The following VPS13B variants were observed in gnomAD, a reference collection of about 807,000 sequenced individuals.
VPS13B encodes the protein vacuolar protein sorting 13 homolog B.
A neutral mutation model predicts 426.4 loss-of-function variants in VPS13B; 285 were observed. That is an observed-to-expected ratio of 0.67 (90% confidence interval 0.61 to 0.74). The LOEUF (loss-of-function observed/expected upper bound fraction) is 0.74, where lower values mean the gene tolerates loss of function less well. Among genes scored for constraint, VPS13B ranks in the 30% least tolerant of loss-of-function variants. The probability of loss-of-function intolerance (pLI) is 0.00; values close to 1 mark genes in which losing one functional copy is unlikely to be tolerated. For synonymous variants in VPS13B, 1,676 were observed against 1,676.4 expected (o/e 1.00, Z 0.01); for missense variants, 4,537 against 4,782.6 (o/e 0.95, Z 1.51).
intron 19 of VPS13B, among the ~76,000 whole-genome samples, chr8:99,369,358 A>T (rs1813054972): frequency 6.6e-6 from 1 of 152,224 alleles, no homozygotes; most frequent in Non-Finnish European, 1.5e-5. Flanking sequence ...TTAAATAGGC[A>T]AGTAAGACCA....
intron 34 of VPS13B, among the ~76,000 whole-genome samples, chr8:99,659,256 T>C (rs1830133956): frequency 6.6e-6 from 1 of 152,182 alleles, no homozygotes; most frequent in Admixed American, 6.5e-5. Context: ...TTGCTTTTAT[T>C]GTTTTGTTTA....
intron 36 of VPS13B, among the ~76,000 whole-genome samples, chr8:99,705,002 A>G (rs577840680): frequency 1.3e-5 from 2 of 152,244 alleles, no homozygotes; most frequent in Non-Finnish European, 2.9e-5. Flanking sequence ...TAAAATGTAG[A>G]GGGGAAGAAC....
intron 39 of VPS13B, among the ~76,000 whole-genome samples, chr8:99,744,022 A>G (rs1258143239): frequency 5.3e-5 from 8 of 152,200 alleles, no homozygotes; most frequent in Non-Finnish European, 7.4e-5. Flanking sequence ...AGAAACTACC[A>G]TCAGAGTGAA....
At chr8:99,286,815 T>C (rs1222835388) in intron 19 of VPS13B, among the ~76,000 whole-genome samples, 6 of 152,106 alleles carry the variant, frequency 3.9e-5, no homozygotes. Flanking sequence ...AGAAATAATT[T>C]TGTGAAGGTT....
chr8:99,581,602 C>A (rs1362078438), intron 33 of VPS13B, among the ~76,000 whole-genome samples: 2 of 152,064 alleles, frequency 1.3e-5, no homozygotes, highest in East Asian at 3.9e-4. Flanking sequence ...TTTAAATGAA[C>A]CTTATTTCTC....
At chr8:99,654,573 A>G (rs1223554412) in intron 34 of VPS13B, among the ~76,000 whole-genome samples, 1 of 152,196 alleles carries the variant, frequency 6.6e-6, no homozygotes, top group Non-Finnish European at 1.5e-5. Context: ...TGCCTTTTAC[A>G]TGTCCAGTGG....
At chr8:99,826,267 C>T (rs1448597208) in intron 51 of VPS13B, among the ~76,000 whole-genome samples, 1 of 152,154 alleles carries the variant, frequency 6.6e-6, no homozygotes, top group African/African-American at 2.4e-5. Flanking sequence ...ACATAGTTCT[C>T]CTTGAAGAGG....
chr8:99,501,148 T>C (rs1008045160), intron 25 of VPS13B, among the ~76,000 whole-genome samples: 2 of 152,246 alleles, frequency 1.3e-5, no homozygotes, highest in African/African-American at 4.8e-5. Flanking sequence ...AAACTGATAA[T>C]CACTTTGCTA....
At chr8:99,832,714 A>T in intron 52 of VPS13B, 62 bp downstream of exon 52, 1 of 1,556,694 alleles carries the variant, frequency 6.4e-7, no homozygotes, top group Admixed American at 1.7e-5. Flanking sequence ...GTTCATCTAG[A>T]TGCCAAGAGA....
At chr8:99,036,995 C>A (rs931263047) in intron 2 of VPS13B, among the ~76,000 whole-genome samples, 2 of 152,050 alleles carry the variant, frequency 1.3e-5, no homozygotes, top group African/African-American at 4.8e-5. Context: ...TCAGATTCTT[C>A]ATTGTAAAAT....
rs1817117474 is a variant in VPS13B, at chr8:99,431,617, G to A, written c.3163G>A (p.Glu1055Lys). The change falls in exon 22 of 62, where the codon GAA becomes AAA. Residue 1055 changes from glutamate to lysine, a missense_variant. By Grantham distance (56) the Glu-to-Lys change is moderately conservative. Transcript: ENST00000357162. ...TAGAAGTCCTGAAGAAAGAATGAAGGAATTTATTGGAATTGTTTGGAATGC... is the reference window on the plus strand; with the variant it reads ...TAGAAGTCCTGAAGAAAGAATGAAGAAATTTATTGGAATTGTTTGGAATGC... The part of the protein sequence containing the change: ...SCRSPEERMK[E>K]FIGIVWNAVK... 6.2e-7 allele frequency: 1 copy of A among 1,613,212 alleles called. No homozygotes were observed. Among genetic ancestry groups the A allele is most frequent in the African/African-American group, 1.3e-5 (1 of 74,870 alleles).
At chr8:99,383,167 G>A (rs1301480275) in intron 19 of VPS13B, among the ~76,000 whole-genome samples, 1 of 152,076 alleles carries the variant, frequency 6.6e-6, no homozygotes, top group Non-Finnish European at 1.5e-5. Flanking sequence ...ACAAAAATAG[G>A]TTAGTTAGTT....
At chr8:99,855,757 A>G (rs1816514807) in intron 56 of VPS13B, among the ~76,000 whole-genome samples, 1 of 152,132 alleles carries the variant, frequency 6.6e-6, no homozygotes, top group African/African-American at 2.4e-5. Flanking sequence ...GGTTATCTAG[A>G]CTCTTTTATA....
chr8:99,121,274 G>A lies in VPS13B; in HGVS notation c.1035G>A (p.Trp345Ter). 1 of 1,614,132 alleles carries A rather than the reference G, an allele frequency of 6.2e-7. No homozygotes were observed. Among genetic ancestry groups the A allele is most frequent in the Non-Finnish European group, 8.5e-7 (1 of 1,180,034 alleles). ...SQQDEEQPQG[W>*]VSWAWSFVPA... Reference sequence around the variant, plus strand: ...AAGATGAGGAGCAGCCACAGGGATGGGTGTCATGGGCCTGGTCCTTTGTGC... The same window carrying A: ...AAGATGAGGAGCAGCCACAGGGATGAGTGTCATGGGCCTGGTCCTTTGTGC... The change falls in exon 8 of 62, where the codon TGG (tryptophan) becomes TGA (stop). Residue 345 changes from tryptophan to a stop codon, truncating the protein, a stop_gained. Coordinates refer to ENST00000357162, the MANE Select transcript of VPS13B (RefSeq NM_152564.5). LOFTEE classifies it high-confidence loss of function.
Position 99,785,764 on chromosome 8 carries a change from A to G in VPS13B, c.7941+1288A>G, listed in dbSNP as rs556258494. On this transcript the variant is annotated intron_variant, in intron 43 of 61. Coordinates refer to ENST00000357162, the MANE Select transcript of VPS13B (RefSeq NM_152564.5). Reference sequence around the variant, plus strand: ...ATACTGACAAAACCAAACAAAAAACACCTATAATTCCAACCACCTAGAGAG... The same window carrying G: ...ATACTGACAAAACCAAACAAAAAACGCCTATAATTCCAACCACCTAGAGAG... Among the ~76,000 whole-genome samples the G allele has an allele frequency of 2.0e-5, 3 of 152,254 alleles. No individual in the cohort carries two copies. In the East Asian group the frequency reaches 5.8e-4, roughly 29 times the overall value.
At chr8:99,832,803 T>C in intron 52 of VPS13B, 151 bp downstream of exon 52, 1 of 812,414 alleles carries the variant, frequency 1.2e-6, no homozygotes, top group Non-Finnish European at 1.9e-6. Flanking sequence ...ATACAGTGGG[T>C]CAAGTGTTAT....
intron 3 of VPS13B, among the ~76,000 whole-genome samples, chr8:99,093,428 T>G (rs1846257034): frequency 6.6e-6 from 1 of 152,068 alleles, no homozygotes; most frequent in Non-Finnish European, 1.5e-5. Flanking sequence ...GTGCACAATG[T>G]GCAGTTTAGT....
At chr8:99,570,064 A>G (rs56683006) in intron 31 of VPS13B, among the ~76,000 whole-genome samples, 118 of 152,322 alleles carry the variant, frequency 7.7e-4, no homozygotes, top group African/African-American at 2.6e-3. Flanking sequence ...TACAGCTCCT[A>G]TAACCCTATG....
chr8:99,418,501 T>TTC (rs1554779771), intron 21 of VPS13B, among the ~76,000 whole-genome samples: 16 of 148,616 alleles, frequency 1.1e-4, no homozygotes, highest in African/African-American at 3.8e-4. Context: ...CTTTCTTTCT[T>TTC]TCTTTCTTTC....
Sources: allele counts gnomAD v4.1 joint callset (sites outside exome capture counted in the v4.1 genomes callset), GRCh38; gene constraint gnomAD v4.1.1; transcripts MANE v1.5; gene names NCBI Gene and HGNC (gene_info 2026-07-23, HGNC 2026-07-21).